KIAA1671: variants seen among roughly 807,000 people sequenced by gnomAD.
The protein encoded by KIAA1671 is uncharacterized protein KIAA1671.
A neutral mutation model predicts 131.2 loss-of-function variants in KIAA1671; 52 were observed. The ratio of observed to expected loss-of-function variants is 0.40; its 90% CI spans 0.32 to 0.50. The LOEUF (loss-of-function observed/expected upper bound fraction) is 0.50, where lower values mean the gene tolerates loss of function less well. Ranked by LOEUF, KIAA1671 falls within the 20% of genes least tolerant of loss-of-function variation. The probability of loss-of-function intolerance (pLI) is 0.73; values close to 1 mark genes in which losing one functional copy is unlikely to be tolerated. For missense variants in KIAA1671, 2,360 were observed against 2,364.2 expected, an observed-to-expected ratio of 1.00 and a Z score of 0.04; for synonymous variants, 1,003 against 961.6, an observed-to-expected ratio of 1.04 and a Z score of -0.80.
chr22:25,001,521 T>TA (rs1255754455), intron 1 of KIAA1671, among the ~76,000 whole-genome samples: 3 of 152,098 alleles, frequency 2.0e-5, no homozygotes, highest in Non-Finnish European at 2.9e-5. Context: ...GGGAGGCTGA[T>TA]AGAGTCCTCC....
At chr22:24,976,477 T>G (rs1922918474) in intron 1 of KIAA1671, among the ~76,000 whole-genome samples, 1 of 152,142 alleles carries the variant, frequency 6.6e-6, no homozygotes, top group African/African-American at 2.4e-5. Context: ...CCCCCTGTTG[T>G]TGTGTTGGGG....
intron 7 of KIAA1671, among the ~76,000 whole-genome samples, chr22:25,173,456 G>A (rs1457533582): frequency 6.6e-6 from 1 of 152,094 alleles, no homozygotes; most frequent in Non-Finnish European, 1.5e-5. Context: ...AATAATGCAG[G>A]TCCCACCACC....
chr22:25,131,547 C>T (rs575753774), intron 6 of KIAA1671, among the ~76,000 whole-genome samples: 21 of 152,342 alleles, frequency 1.4e-4, no homozygotes, highest in African/African-American at 3.6e-4. Flanking sequence ...CCTGGTCAGG[C>T]GCACAGGCCA....
intron 6 of KIAA1671, among the ~76,000 whole-genome samples, chr22:25,073,872 T>C (rs1174444215): frequency 1.3e-5 from 2 of 152,190 alleles, no homozygotes; most frequent in Non-Finnish European, 2.9e-5. Context: ...TTTTGTATTT[T>C]TAATAGGGAC....
intron 1 of KIAA1671, among the ~76,000 whole-genome samples, chr22:24,975,868 T>C (rs1922884592): frequency 6.6e-6 from 1 of 152,160 alleles, no homozygotes; most frequent in Non-Finnish European, 1.5e-5. Flanking sequence ...CCCTTTGCAC[T>C]TGGGGATGCT....
chr22:25,038,678 C>T, intron 4 of KIAA1671, 82 bp from the exon 5 acceptor site: 3 of 1,318,536 alleles, frequency 2.3e-6, no homozygotes, highest in South Asian at 1.5e-5. Flanking sequence ...TACAAGCAGC[C>T]CTTTCAATTA....
chr22:24,971,484 G>A (rs1481291831), intron 1 of KIAA1671, among the ~76,000 whole-genome samples: 1 of 152,126 alleles, frequency 6.6e-6, no homozygotes, highest in Non-Finnish European at 1.5e-5. Flanking sequence ...TGTTTTTCTT[G>A]TTCATGACAC....
intron 1 of KIAA1671, among the ~76,000 whole-genome samples, chr22:24,967,188 A>G (rs1432688657): frequency 6.6e-6 from 1 of 152,142 alleles, no homozygotes; most frequent in Non-Finnish European, 1.5e-5. Flanking sequence ...AAAAATCACA[A>G]TTTGCTGACA....
At chr22:25,164,984 T>TGTGC (rs1555884277) in intron 6 of KIAA1671, among the ~76,000 whole-genome samples, 2 of 120,840 alleles carry the variant, frequency 1.7e-5, no homozygotes, top group Non-Finnish European at 3.1e-5. Flanking sequence ...CAGGCGTGTG[T>TGTGC]GTGTGTGTGT....
At chr22:25,175,369 G>A (rs1313268115) in intron 8 of KIAA1671, 1 of 152,202 alleles carries the variant, frequency 6.6e-6, no homozygotes, top group African/African-American at 2.4e-5. Context: ...CCCCAGAGGA[G>A]GAACACCGCT....
rs1217609253 is a variant in KIAA1671 at position 25,197,031 on chromosome 22, T to C, written c.*4630T>C. The C allele has an allele frequency of 6.6e-6, 1 of 152,144 alleles. No homozygotes were observed. Among genetic ancestry groups the C allele is most frequent in the African/African-American group, 2.4e-5 (1 of 41,420 alleles). The allele number at this position is 152,144 out of a possible 1,614,324, so 9.4% of individuals were successfully genotyped here. On this transcript the variant is annotated 3_prime_UTR_variant, in exon 13 of 13. Transcript: ENST00000358431. ...TTCTTCTGGGTCCTTCCTCAGATCT[T>C]TGAGTCACGATAGAAAAGGAGCTCG...
chr22:25,079,656 C>T (rs1929295607), intron 6 of KIAA1671, among the ~76,000 whole-genome samples: 2 of 152,190 alleles, frequency 1.3e-5, no homozygotes, highest in African/African-American at 4.8e-5. Context: ...TGCACAGGCA[C>T]ATTTGCAGAA....
rs1012738359 is a variant in KIAA1671 at position 25,028,088 on chromosome 22, G to A, written c.89G>A (p.Arg30Lys). The change falls in exon 3 of 13, where the codon AGG becomes AAG. Residue 30 changes from arginine to lysine, a missense_variant. Around this residue, in one of 3 missense-constraint regions of KIAA1671, gnomAD observed 1,185 missense variants for 1,126.2 expected, o/e 1.05. Transcript: ENST00000358431. The part of the protein sequence containing the change: ...GEMGKEETLT[R>K]TYFLQAGEAS... ...ATGGGCAAGGAGGAGACCCTGACGAGGACCTACTTCCTCCAGGCCGGCGAA... is the reference window on the plus strand; with the variant it reads ...ATGGGCAAGGAGGAGACCCTGACGAAGACCTACTTCCTCCAGGCCGGCGAA... The A allele has an allele frequency of 1.3e-6, 2 of 1,551,200 alleles. No individual in the cohort carries two copies. The highest frequency in any genetic ancestry group is 1.7e-6 in the Non-Finnish European group (2 of 1,146,746).
chr22:25,095,575 CAGGAGGTGGAGCTTGCAGTGAGCTG>C, intron 6 of KIAA1671, among the ~76,000 whole-genome samples: 1 of 152,128 alleles, frequency 6.6e-6, no homozygotes, highest in East Asian at 1.9e-4. Context: ...GACGTGAACC[CAGGAGGTGGAGCTTGCAGTGAGCTG>C]AGGTCGCGCC....
rs1283643084 is a variant in KIAA1671, at chr22:25,028,948, G to A, written c.949G>A (p.Glu317Lys). 3 of 1,550,152 alleles carry A rather than the reference G, an allele frequency of 1.9e-6. No homozygotes were observed. The Admixed American group carries it at 5.9e-5, about 31-fold the overall frequency. Residue 317 changes from glutamate (E) to lysine (K), a missense_variant, in exon 3 of 13, where the codon GAG (glutamate) becomes AAG (lysine). Physicochemically the swap from Glu to Lys is moderately conservative, Grantham distance 56 (BLOSUM62 1). Coordinates refer to ENST00000358431, the MANE Select transcript of KIAA1671 (RefSeq NM_001145206.2). ...CACAGCAGGGGATATGGCTGGGCTA[G>A]AGAGGCCCAGAGCAGCGTCCAAGCT... ...GPTAGDMAGL[E>K]RPRAASKLDR... is the part of the protein sequence containing the mutation.
At chr22:24,994,904 C>T (rs776284240) in intron 1 of KIAA1671, among the ~76,000 whole-genome samples, 1 of 151,848 alleles carries the variant, frequency 6.6e-6, no homozygotes, top group Non-Finnish European at 1.5e-5. Flanking sequence ...GGAGTTGGGG[C>T]GAGGGGTCCA....
rs1926149491 is a variant in KIAA1671, at chr22:25,029,459, C to T, written c.1460C>T (p.Thr487Ile). The T allele has an allele frequency of 2.6e-6, 4 of 1,551,328 alleles. No individual in the cohort carries two copies. Among genetic ancestry groups the T allele is most frequent in the Non-Finnish European group, 3.5e-6 (4 of 1,146,840 alleles). ...VSVQERIRGW[T>I]AESSEAKPEV... ...GTTCAGGAACGGATCAGAGGCTGGA[C>T]TGCCGAGAGCTCAGAGGCTAAGCCC... is the stretch of plus-strand genomic sequence containing the variant. Residue 487 changes from threonine to isoleucine, a missense_variant, in exon 3 of 13, where the codon ACT becomes ATT. Transcript: ENST00000358431.
rs1934798762 is a variant in KIAA1671, at chr22:25,195,553, G to A, written c.*3152G>A. The A allele has an allele frequency of 6.6e-6, 1 of 152,112 alleles. No homozygotes were observed. The highest frequency in any genetic ancestry group is 1.5e-5 in the Non-Finnish European group (1 of 68,010). The allele number at this position is 152,112 out of a possible 1,614,324, so 9.4% of individuals were successfully genotyped here. On this transcript the variant is annotated 3_prime_UTR_variant, in exon 13 of 13. Coordinates refer to ENST00000358431, the MANE Select transcript of KIAA1671 (RefSeq NM_001145206.2). ...ATTGTGTTTGCCTTTGTGCCTCCCT[G>A]GAAGGGAGGCCAACTAAGGGTATCA...
At chr22:24,991,242 C>T (rs970579259) in intron 1 of KIAA1671, among the ~76,000 whole-genome samples, 16 of 151,420 alleles carry the variant, frequency 1.1e-4, no homozygotes, top group Non-Finnish European at 1.8e-4. Context: ...AGGCTGGTCA[C>T]GAACTCCTGA....
Sources: allele counts gnomAD v4.1 joint callset (sites outside exome capture counted in the v4.1 genomes callset), GRCh38; gene constraint gnomAD v4.1.1; regional missense constraint gnomAD v4.1.1; transcripts MANE v1.5; gene names NCBI Gene and HGNC (gene_info 2026-07-23, HGNC 2026-07-21).